RAB21: variants seen among roughly 807,000 people sequenced by gnomAD.
The protein encoded by RAB21 is RAB21, member RAS oncogene family.
RAB21 carries 13 observed loss-of-function variants against 33.1 expected under a neutral mutation model. The observed-to-expected ratio is 0.39, with a 90% CI of 0.26 to 0.62. RAB21 has a LOEUF of 0.62. RAB21 is among the 20% of genes least tolerant of loss of function. RAB21 has a pLI of 0.48. For synonymous variants in RAB21, 91 were observed against 103.7 expected (o/e 0.88, Z 0.74); for missense variants, 234 against 279.1 (o/e 0.84, Z 1.15).
At chr12:71,756,726 G>A (rs908351975) in intron 1 of RAB21, among the ~76,000 whole-genome samples, 2 of 152,190 alleles carry the variant, frequency 1.3e-5, no homozygotes, top group African/African-American at 4.8e-5. Flanking sequence ...AAATTCACTG[G>A]ACAAATACCT....
chr12:71,774,027 G>T lies in RAB21; in HGVS notation c.391+5G>T. 1 of 1,546,780 alleles carries T rather than the reference G, an allele frequency of 6.5e-7. No homozygotes were observed. The highest frequency in any genetic ancestry group is 1.2e-5 in the South Asian group (1 of 82,124). On this transcript the variant is annotated splice_donor_5th_base_variant and intron_variant, in intron 4 of 6. Transcript: ENST00000261263. Reference sequence around the variant, plus strand: ...AAATCTGTTTATGTATAGTTGGTAAGCATCATTACTTTTTTCTAAAAAAAA... The same window carrying T: ...AAATCTGTTTATGTATAGTTGGTAATCATCATTACTTTTTTCTAAAAAAAA...
chr12:71,781,718 A>G (rs572543088), intron 4 of RAB21, among the ~76,000 whole-genome samples: 2 of 152,298 alleles, frequency 1.3e-5, no homozygotes, highest in African/African-American at 4.8e-5. Context: ...CCTAAGAATC[A>G]TAGGTTTATC....
Position 71,798,942 on chromosome 12 carries a change from A to G in RAB21, c.*13269A>G, listed in dbSNP as rs1251004375. Reference sequence around the variant, plus strand: ...ATGCTAATTAAGTTTTCTCAACTATATGCTCTCTCCTCATGATTTGAAAGG... The same window carrying G: ...ATGCTAATTAAGTTTTCTCAACTATGTGCTCTCTCCTCATGATTTGAAAGG... On this transcript the variant is annotated 3_prime_UTR_variant, in exon 7 of 7. Transcript: ENST00000261263. 6.6e-6 allele frequency: 1 copy of G among 152,238 alleles called. No individual in the cohort carries two copies. Among genetic ancestry groups the G allele is most frequent in the Non-Finnish European group, 1.5e-5 (1 of 68,048 alleles). 9.4% of individuals were successfully genotyped at this position (152,238 alleles called of 1,614,324 possible).
chr12:71,782,058 G>C lies in RAB21; in HGVS notation c.419G>C (p.Arg140Thr), dbSNP rs888039021. The C allele has an allele frequency of 6.2e-7, 1 of 1,607,102 alleles. No individual in the cohort carries two copies. The highest frequency in any genetic ancestry group is 8.5e-7 in the Non-Finnish European group (1 of 1,174,092). The change falls in exon 5 of 7, where the codon AGA (arginine) becomes ACA (threonine). Residue 140 changes from arginine to threonine, a missense_variant. By Grantham distance (71) the Arg-to-Thr change is moderately conservative. Coordinates refer to ENST00000261263, the MANE Select transcript of RAB21 (RefSeq NM_014999.4). ...VGNKIDLEKE[R>T]HVSIQEAESY... Reference sequence around the variant, plus strand: ...AATAAAATAGACTTGGAAAAGGAGAGACATGTTTCCATTCAAGAAGCAGAG... The same window carrying C: ...AATAAAATAGACTTGGAAAAGGAGACACATGTTTCCATTCAAGAAGCAGAG...
intron 1 of RAB21, among the ~76,000 whole-genome samples, chr12:71,762,198 A>T (rs1592642981): frequency 6.6e-6 from 1 of 152,304 alleles, no homozygotes; most frequent in East Asian, 1.9e-4. Context: ...TTTCCTTTTG[A>T]AAGTCTTTAT....
chr12:71,782,633 G>T lies in RAB21; in HGVS notation c.510G>T (p.Glu170Asp). The change falls in exon 6 of 7, where the codon GAG (glutamate) becomes GAT (aspartate). Residue 170 changes from glutamate (E) to aspartate (D), a missense_variant. Transcript: ENST00000261263. ...CAGCCAAACAGAACAAAGGAATTGAGGAACTCTTTCTTGACCTTTGTAAAA... is the reference window on the plus strand; with the variant it reads ...CAGCCAAACAGAACAAAGGAATTGATGAACTCTTTCTTGACCTTTGTAAAA... ...HTSAKQNKGIEELFLDLCKRM... is the reference protein window; with the variant it reads ...HTSAKQNKGIDELFLDLCKRM... The T allele has an allele frequency of 6.3e-7, 1 of 1,598,872 alleles. No individual in the cohort carries two copies. Among genetic ancestry groups the T allele is most frequent in the Non-Finnish European group, 8.5e-7 (1 of 1,170,426 alleles).
chr12:71,785,865 C>A lies in RAB21; in HGVS notation c.*192C>A. ...GTGGAGTTTGTGACCAGAGAATTGGCATTTTCTACAAATGTTTTTTTTTGT... is the reference window on the plus strand; with the variant it reads ...GTGGAGTTTGTGACCAGAGAATTGGAATTTTCTACAAATGTTTTTTTTTGT... On this transcript the variant is annotated 3_prime_UTR_variant, in exon 7 of 7. Transcript: ENST00000261263. The A allele has an allele frequency of 3.2e-5, 16 of 507,460 alleles. No individual in the cohort carries two copies. Among genetic ancestry groups the A allele is most frequent in the Non-Finnish European group, 3.9e-5 (12 of 304,768 alleles). 31.4% of individuals were successfully genotyped at this position (507,460 alleles called of 1,614,324 possible).
Position 71,788,306 on chromosome 12 carries a change from T to A in RAB21, c.*2633T>A, listed in dbSNP as rs1883325527. The A allele has an allele frequency of 6.6e-6, 1 of 152,208 alleles. No homozygotes were observed. The highest frequency in any genetic ancestry group is 2.1e-4 in the South Asian group (1 of 4,832). The allele number at this position is 152,208 out of a possible 1,614,324, so 9.4% of individuals were successfully genotyped here. ...TCATAACTATTCTTCATATTTTTTTTTTCTTTTTTCTCCTTTGGTTTCTGT... is the reference window on the plus strand; with the variant it reads ...TCATAACTATTCTTCATATTTTTTTATTCTTTTTTCTCCTTTGGTTTCTGT... On this transcript the variant is annotated 3_prime_UTR_variant, in exon 7 of 7. Transcript: ENST00000261263.
At chr12:71,782,498 C>A in intron 5 of RAB21, 72 bp from the exon 6 acceptor site, 1 of 1,027,114 alleles carries the variant, frequency 9.7e-7, no homozygotes, top group Non-Finnish European at 1.4e-6. Flanking sequence ...AAAACTGTTA[C>A]TATAAAAAAG....
At chr12:71,761,981 A>G (rs1160869651) in intron 1 of RAB21, among the ~76,000 whole-genome samples, 1 of 152,208 alleles carries the variant, frequency 6.6e-6, no homozygotes, top group Non-Finnish European at 1.5e-5. Flanking sequence ...TGTTAATTTA[A>G]GTGATTTATT....
In RAB21 at chr12:71,755,262, A is replaced by C. The variant is rs779647205; in HGVS notation, c.133A>C (p.Asn45His). The part of the protein sequence containing the change: ...LVLRYCENKF[N>H]DKHITTLQAS... Reference sequence around the variant, plus strand: ...GCTGCGCTACTGCGAGAACAAGTTTAACGACAAGCACATCACCACTCTGCA... The same window carrying C: ...GCTGCGCTACTGCGAGAACAAGTTTCACGACAAGCACATCACCACTCTGCA... Residue 45 changes from asparagine to histidine, a missense_variant, in exon 1 of 7, where the codon AAC becomes CAC. Coordinates refer to ENST00000261263, the MANE Select transcript of RAB21 (RefSeq NM_014999.4). The C allele has an allele frequency of 1.3e-6, 2 of 1,541,564 alleles. No homozygotes were observed. Among genetic ancestry groups the C allele is most frequent in the Non-Finnish European group, 1.7e-6 (2 of 1,147,956 alleles).
chr12:71,781,060 G>C (rs1224532119), intron 4 of RAB21, among the ~76,000 whole-genome samples: 1 of 152,002 alleles, frequency 6.6e-6, no homozygotes, highest in Non-Finnish European at 1.5e-5. Flanking sequence ...TTTTTTAAAA[G>C]TATAATCCCA....
At position 71,794,425 on chromosome 12, in the gene RAB21, ATATTTTTTTTTTTTTTTT is replaced by A. The variant is rs1053373162; in HGVS notation, c.*8754_*8771del. 8 of 46,566 alleles carry A rather than the reference ATATTTTTTTTTTTTTTTT, an allele frequency of 1.7e-4. No individual in the cohort carries two copies. Among genetic ancestry groups the A allele is most frequent in the African/African-American group, 8.0e-4 (7 of 8,718 alleles). The allele number at this position is 46,566 out of a possible 1,614,324, so 2.9% of individuals were successfully genotyped here. On this transcript the variant is annotated 3_prime_UTR_variant, in exon 7 of 7. Coordinates refer to ENST00000261263, the MANE Select transcript of RAB21 (RefSeq NM_014999.4). Reference sequence around the variant, plus strand: ...ATATATTATATATATATATATATATATATTTTTTTTTTTTTTTTTTTTTTTTTTTTTGAGACGGAGTCT... The same window carrying A: ...ATATATTATATATATATATATATATATTTTTTTTTTTTTGAGACGGAGTCT...
At chr12:71,781,896 A>G in intron 4 of RAB21, 135 bp from the exon 5 acceptor site, 1 of 626,186 alleles carries the variant, frequency 1.6e-6, no homozygotes, top group Middle Eastern at 4.6e-4. Context: ...TATAATTTCA[A>G]GACATTAGAA....
In RAB21 at chr12:71,777,112, C is replaced by A. The variant is rs145864143; in HGVS notation, c.391+3090C>A. On this transcript the variant is annotated intron_variant, in intron 4 of 6. Transcript: ENST00000261263. ...ATGTACAGAAAAGTGTACAAATCTT[C>A]AATAACATAATTTTCACAAAATGAA... is the stretch of plus-strand genomic sequence containing the variant. 4.8e-3 allele frequency among the ~76,000 whole-genome samples: 727 copies of A among 152,228 alleles called. 5 individuals carry two copies. The highest frequency in any genetic ancestry group is 0.017 in the African/African-American group (698 of 41,518).
At chr12:71,768,090 T>G (rs1291367710) in intron 1 of RAB21, among the ~76,000 whole-genome samples, 1 of 152,192 alleles carries the variant, frequency 6.6e-6, no homozygotes, top group Non-Finnish European at 1.5e-5. Flanking sequence ...TTTTGGCATT[T>G]AATTTTTCTT....
rs560356992 is a variant in RAB21, at chr12:71,790,138, G to A, written c.*4465G>A. On this transcript the variant is annotated 3_prime_UTR_variant, in exon 7 of 7. Transcript: ENST00000261263. ...ATATGAGTAAACATGATGAGTTAAT[G>A]TTACACAGCATACCCAGTTAGGTCT... is the stretch of plus-strand genomic sequence containing the variant. The A allele has an allele frequency of 6.6e-6, 1 of 152,252 alleles. No individual in the cohort carries two copies. Among genetic ancestry groups the A allele is most frequent in the East Asian group, 1.9e-4 (1 of 5,188 alleles). 9.4% of individuals were successfully genotyped at this position (152,252 alleles called of 1,614,324 possible). A position where few individuals can be genotyped will look rare whatever the true frequency, so the allele number is the denominator to read the frequency against.
chr12:71,797,764 A>G lies in RAB21; in HGVS notation c.*12091A>G, dbSNP rs912509683. 1.3e-5 allele frequency: 2 copies of G among 151,486 alleles called. No homozygotes were observed. Among genetic ancestry groups the G allele is most frequent in the African/African-American group, 2.4e-5 (1 of 41,054 alleles). The allele number at this position is 151,486 out of a possible 1,614,324, so 9.4% of individuals were successfully genotyped here. A position where few individuals can be genotyped will look rare whatever the true frequency, so the allele number is the denominator to read the frequency against. ...GGCATATGACTAGACAGATCATTCA[A>G]GCAGAAGGAAAATGAACCCAGATAT... is the stretch of plus-strand genomic sequence containing the variant. On this transcript the variant is annotated 3_prime_UTR_variant, in exon 7 of 7. Coordinates refer to ENST00000261263, the MANE Select transcript of RAB21 (RefSeq NM_014999.4).
intron 5 of RAB21, among the ~76,000 whole-genome samples, 164 bp downstream of exon 5, chr12:71,782,249 A>G (rs779949185): frequency 1.4e-4 from 22 of 152,246 alleles, no homozygotes; most frequent in Non-Finnish European, 3.1e-4. Flanking sequence ...TTGTGGCAAT[A>G]AAGCCCTTAC....
Sources: gnomAD v4.1 joint callset for allele counts (sites outside exome capture counted in the v4.1 genomes callset) on GRCh38, gnomAD v4.1.1 for gene constraint, MANE v1.5 for transcripts, NCBI Gene and HGNC (gene_info 2026-07-23, HGNC 2026-07-21) for gene names.